The following ACMSD variants were observed in gnomAD, a reference collection of about 807,000 sequenced individuals.
The protein encoded by ACMSD is aminocarboxymuconate semialdehyde decarboxylase.
Under a neutral mutation model 45.9 loss-of-function variants are expected in ACMSD, and 37 were observed. That is an observed-to-expected ratio of 0.81 (90% confidence interval 0.62 to 1.06). ACMSD has a LOEUF of 1.06. ACMSD is among the 50% of genes least tolerant of loss of function. ACMSD has a pLI of 0.00. For missense variants in ACMSD, 434 were observed against 420.9 expected, an observed-to-expected ratio of 1.03 and a Z score of -0.27; for synonymous variants, 138 against 148.8, an observed-to-expected ratio of 0.93 and a Z score of 0.53.
intron 2 of ACMSD, among the ~76,000 whole-genome samples, chr2:134,849,347 CA>C (rs1687222647): frequency 6.6e-6 from 1 of 152,092 alleles, no homozygotes; most frequent in African/African-American, 2.4e-5. Context: ...CTCTCAAAAA[CA>C]AAACAAAGCA....
intron 2 of ACMSD, among the ~76,000 whole-genome samples, chr2:134,857,337 C>G (rs1290461817): frequency 6.6e-6 from 1 of 151,990 alleles, no homozygotes; most frequent in Non-Finnish European, 1.5e-5. Context: ...ACTTGGGAGG[C>G]AAAGGCAGGA....
chr2:134,885,268 A>C lies in ACMSD; in HGVS notation c.849+12627A>C, dbSNP rs1274984628. 3.8e-5 allele frequency among the ~76,000 whole-genome samples: 3 copies of C among 79,056 alleles called. No homozygotes were observed. In the East Asian group the frequency reaches 1.4e-3, roughly 38 times the overall value. The allele number at this position is 79,056 out of a possible 152,430, so 51.9% of individuals were successfully genotyped here. A position where few individuals can be genotyped will look rare whatever the true frequency, so the allele number is the denominator to read the frequency against. ...TATATTTATATATAATATATATATA[A>C]ATATATATATTATATATTATATTTA... On this transcript the variant is annotated intron_variant, in intron 8 of 9. Coordinates refer to ENST00000356140, the MANE Select transcript of ACMSD (RefSeq NM_138326.3).
chr2:134,877,053 A>G (rs991630692), intron 8 of ACMSD, among the ~76,000 whole-genome samples: 2 of 152,210 alleles, frequency 1.3e-5, no homozygotes, highest in Admixed American at 1.3e-4. Flanking sequence ...GATTACAGGC[A>G]TGAGCCACTG....
intron 6 of ACMSD, chr2:134,867,879 C>T: frequency 2.8e-6 from 1 of 357,422 alleles, no homozygotes; most frequent in South Asian, 1.3e-4. Context: ...CCAATACCAT[C>T]ATAAATAAAT....
intron 2 of ACMSD, among the ~76,000 whole-genome samples, chr2:134,858,524 C>G (rs958395023): frequency 2.0e-5 from 3 of 152,006 alleles, no homozygotes; most frequent in Non-Finnish European, 2.9e-5. Flanking sequence ...AGTGTCATCA[C>G]CTCAAAAAAA....
chr2:134,890,099 A>G (rs1378445967), intron 8 of ACMSD, among the ~76,000 whole-genome samples: 1 of 152,088 alleles, frequency 6.6e-6, no homozygotes, highest in Admixed American at 6.6e-5. Context: ...AATGATCTCA[A>G]AGTGGCTCCC....
In ACMSD at chr2:134,860,856, C is replaced by CAA. The variant is rs60233157; in HGVS notation, c.200-1090_200-1089dup. Among the ~76,000 whole-genome samples, 567 of 70,272 alleles carry CAA rather than the reference C, an allele frequency of 8.1e-3. 9 individuals carry two copies. Among genetic ancestry groups the CAA allele is most frequent in the African/African-American group, 0.014 (254 of 17,848 alleles). The allele number at this position is 70,272 out of a possible 152,430, so 46.1% of individuals were successfully genotyped here. ...GAAACACAGTGAGACCCTGTCTCCA[C>CAA]AAAAAAAAAAAAAAAAAAAAAAAAT... On this transcript the variant is annotated intron_variant, in intron 3 of 9. Transcript: ENST00000356140.
chr2:134,839,790 C>T (rs1188225591), intron 1 of ACMSD, among the ~76,000 whole-genome samples: 1 of 152,200 alleles, frequency 6.6e-6, no homozygotes, highest in Non-Finnish European at 1.5e-5. Flanking sequence ...ATAAACCTCT[C>T]AACCTGCTCT....
intron 1 of ACMSD, among the ~76,000 whole-genome samples, chr2:134,839,674 A>C (rs1031689938): frequency 6.6e-6 from 1 of 152,204 alleles, no homozygotes; most frequent in Non-Finnish European, 1.5e-5. Flanking sequence ...GTTTATCTTA[A>C]GTATTTCTTT....
chr2:134,854,754 T>A, intron 2 of ACMSD, among the ~76,000 whole-genome samples: 1 of 152,210 alleles, frequency 6.6e-6, no homozygotes, highest in Non-Finnish European at 1.5e-5. Context: ...ACTTCACACA[T>A]AGGATGTGTT....
At chr2:134,897,255 T>A (rs1233881462) in intron 8 of ACMSD, among the ~76,000 whole-genome samples, 1 of 152,170 alleles carries the variant, frequency 6.6e-6, no homozygotes, top group East Asian at 1.9e-4. Flanking sequence ...AAATAGACTG[T>A]ATATATACAA....
intron 8 of ACMSD, among the ~76,000 whole-genome samples, chr2:134,893,662 G>A (rs2104955509): frequency 6.6e-6 from 1 of 152,176 alleles, no homozygotes; most frequent in South Asian, 2.1e-4. Context: ...GAGGCCAGAA[G>A]GCAGTGGAAG....
intron 6 of ACMSD, among the ~76,000 whole-genome samples, chr2:134,868,402 A>C (rs1424560342): frequency 1.3e-5 from 2 of 152,090 alleles, no homozygotes. Context: ...CTCATCTACA[A>C]ACCCAATGAA....
intron 8 of ACMSD, among the ~76,000 whole-genome samples, chr2:134,893,568 C>T (rs1689920392): frequency 6.6e-6 from 1 of 152,090 alleles, no homozygotes; most frequent in Non-Finnish European, 1.5e-5. Flanking sequence ...GGCATTTTCC[C>T]CCTGTCCTCC....
Position 134,855,283 on chromosome 2 carries a change from T to G in ACMSD, c.103-3978T>G, listed in dbSNP as rs554777739. Among the ~76,000 whole-genome samples, 285 of 152,292 alleles carry G rather than the reference T, an allele frequency of 1.9e-3. 1 individual carries two copies. Among genetic ancestry groups the G allele is most frequent in the Non-Finnish European group, 1.5e-3 (100 of 68,016 alleles). ...CAGAAACTCAGGGAATTCCCATGAT[T>G]GAAGCCACAGCCAAGGCAACACCAC... On this transcript the variant is annotated intron_variant, in intron 2 of 9. Coordinates refer to ENST00000356140, the MANE Select transcript of ACMSD (RefSeq NM_138326.3).
At chr2:134,886,910 G>A (rs929938638) in intron 8 of ACMSD, among the ~76,000 whole-genome samples, 12 of 151,948 alleles carry the variant, frequency 7.9e-5, no homozygotes, top group African/African-American at 2.2e-4. Flanking sequence ...AGGACATAAC[G>A]GCAATATTTT....
chr2:134,855,218 G>A (rs1053218751), intron 2 of ACMSD, among the ~76,000 whole-genome samples: 19 of 152,156 alleles, frequency 1.2e-4, no homozygotes, highest in Admixed American at 6.5e-5. Flanking sequence ...AGCCCCTCAA[G>A]AACTACAAAG....
intron 1 of ACMSD, 28 bp from the exon 2 acceptor site, chr2:134,845,205 A>C (rs764454138): frequency 6.2e-7 from 1 of 1,613,872 alleles, no homozygotes; most frequent in Non-Finnish European, 8.5e-7. Context: ...TTGCTCTTTG[A>C]CTCTAACTGT....
intron 8 of ACMSD, among the ~76,000 whole-genome samples, chr2:134,896,400 T>C (rs1392995149): frequency 1.3e-5 from 2 of 152,342 alleles, no homozygotes; most frequent in East Asian, 1.9e-4. Flanking sequence ...TTGCAAATCA[T>C]GTATCTATAA....
Sources: gnomAD v4.1 joint callset for allele counts (sites outside exome capture counted in the v4.1 genomes callset) on GRCh38, gnomAD v4.1.1 for gene constraint, MANE v1.5 for transcripts, NCBI Gene and HGNC (gene_info 2026-07-23, HGNC 2026-07-21) for gene names.